The following NRXN1 variants were observed in gnomAD, a reference collection of about 807,000 sequenced individuals.
NRXN1 encodes neurexin-1.
A neutral mutation model predicts 150.9 loss-of-function variants in NRXN1; 39 were observed. The ratio of observed to expected loss-of-function variants is 0.26; its 90% CI spans 0.20 to 0.34. NRXN1 has a LOEUF of 0.34. Ranked by LOEUF, NRXN1 falls within the 10% of genes least tolerant of loss-of-function variation. The pLI, the probability that NRXN1 is intolerant of heterozygous loss-of-function variation, is 1.00. For synonymous variants in NRXN1, 924 were observed against 757.0 expected (o/e 1.22, Z -3.62); for missense variants, 1,815 against 1,949.9 (o/e 0.93, Z 1.30).
intron 16 of NRXN1, among the ~76,000 whole-genome samples, chr2:50,468,636 A>G (rs909779393): frequency 6.6e-5 from 10 of 151,722 alleles, no homozygotes; most frequent in Non-Finnish European, 1.3e-4. Context: ...TACAATTTCC[A>G]GAAACAAAAG....
intron 2 of NRXN1, among the ~76,000 whole-genome samples, chr2:50,952,340 C>T (rs1212838581): frequency 6.6e-6 from 1 of 152,008 alleles, no homozygotes; most frequent in Non-Finnish European, 1.5e-5. Context: ...AAATACAAGA[C>T]AATTATAAAC....
chr2:50,826,355 ACAGGTAAAGCCAATGAGC>A (rs1670445357), intron 5 of NRXN1, among the ~76,000 whole-genome samples: 2 of 152,262 alleles, frequency 1.3e-5, no homozygotes, highest in African/African-American at 4.8e-5. Flanking sequence ...AAAAGCAAAG[ACAGGTAAAGCCAATGAGC>A]CAGTGAAGGA....
chr2:50,883,114 AAACT>A (rs1436361697), intron 5 of NRXN1, among the ~76,000 whole-genome samples: 14 of 151,914 alleles, frequency 9.2e-5, no homozygotes, highest in African/African-American at 2.7e-4. Flanking sequence ...TGAAGCAGAT[AAACT>A]AACTGCTCTC....
chr2:50,275,097 T>C (rs924960001), intron 17 of NRXN1, among the ~76,000 whole-genome samples: 3 of 152,204 alleles, frequency 2.0e-5, no homozygotes, highest in Non-Finnish European at 2.9e-5. Context: ...GTTCTGCTCC[T>C]TTAGAGGTCC....
At chr2:50,966,621 T>G (rs543270396) in intron 2 of NRXN1, among the ~76,000 whole-genome samples, 9 of 151,812 alleles carry the variant, frequency 5.9e-5, no homozygotes, top group Non-Finnish European at 1.0e-4. Flanking sequence ...CATTTTAATG[T>G]GATTGCCAAA....
intron 21 of NRXN1, among the ~76,000 whole-genome samples, chr2:50,020,239 A>G (rs1472545194): frequency 1.3e-5 from 2 of 152,160 alleles, no homozygotes; most frequent in Non-Finnish European, 2.9e-5. Flanking sequence ...CATCTCCTAA[A>G]GAAAGCATTT....
At position 50,531,354 on chromosome 2, in the gene NRXN1, C is replaced by T. The variant is rs1171981195; in HGVS notation, c.2220G>A (p.Glu740=). 6.2e-7 allele frequency: 1 copy of T among 1,613,280 alleles called. No homozygotes were observed. The highest frequency in any genetic ancestry group is 1.7e-5 in the Admixed American group (1 of 59,930). ...QLPVVMHTEA[E]DVSLRFRSQR... ...GGGATCGGAACCGTAAGGAAACATC[C>T]TCAGCCTCCGTATGCATGACTACGG... The change falls in exon 11 of 23, where the codon GAG becomes GAA. Residue 740 remains glutamate, a synonymous_variant. Transcript: ENST00000401669.
intron 17 of NRXN1, among the ~76,000 whole-genome samples, chr2:50,328,024 G>A (rs2076503770): frequency 1.3e-5 from 2 of 151,538 alleles, no homozygotes; most frequent in South Asian, 2.1e-4. Context: ...GATTTTCCTC[G>A]TAGGATTTTT....
chr2:49,961,825 T>C (rs1444065550), intron 21 of NRXN1, among the ~76,000 whole-genome samples: 2 of 152,164 alleles, frequency 1.3e-5, no homozygotes, highest in Non-Finnish European at 2.9e-5. Context: ...AACAGGTTAG[T>C]GGATCAAATT....
chr2:50,943,293 G>A (rs1689780817), intron 2 of NRXN1, among the ~76,000 whole-genome samples: 1 of 152,130 alleles, frequency 6.6e-6, no homozygotes, highest in South Asian at 2.1e-4. Flanking sequence ...GACTTCACAT[G>A]TTAGGCTAGT....
intron 5 of NRXN1, among the ~76,000 whole-genome samples, chr2:50,804,388 A>T (rs1667241219): frequency 2.0e-5 from 3 of 152,242 alleles, no homozygotes; most frequent in African/African-American, 7.2e-5. Flanking sequence ...AATTTGCTTC[A>T]TAAAACTATG....
chr2:51,015,605 T>A (rs558854985), intron 2 of NRXN1, among the ~76,000 whole-genome samples: 1 of 151,892 alleles, frequency 6.6e-6, no homozygotes, highest in Admixed American at 6.6e-5. Context: ...TGTACTTTTA[T>A]GAAGGAAATC....
At chr2:49,939,722 T>C (rs904821443) in intron 22 of NRXN1, among the ~76,000 whole-genome samples, 6 of 152,164 alleles carry the variant, frequency 3.9e-5, no homozygotes, top group Admixed American at 3.9e-4. Flanking sequence ...TATAACTGAA[T>C]TGGGGGAAAA....
intron 18 of NRXN1, among the ~76,000 whole-genome samples, chr2:50,093,579 G>C (rs1255480559): frequency 6.6e-6 from 1 of 152,102 alleles, no homozygotes; most frequent in African/African-American, 2.4e-5. Flanking sequence ...AGGCTGCAGT[G>C]AGCCATGACT....
At chr2:50,664,430 TG>T (rs2104669344) in intron 5 of NRXN1, among the ~76,000 whole-genome samples, 1 of 144,558 alleles carries the variant, frequency 6.9e-6, no homozygotes, top group South Asian at 2.2e-4. Flanking sequence ...TGTGTGTGTG[TG>T]TGTGTGTGGC....
chr2:50,455,988 C>T (rs1409095928), intron 17 of NRXN1, among the ~76,000 whole-genome samples: 1 of 152,106 alleles, frequency 6.6e-6, no homozygotes, highest in Non-Finnish European at 1.5e-5. Flanking sequence ...TGCCAAATAT[C>T]AAAATATACA....
At chr2:50,770,812 T>C (rs935040447) in intron 5 of NRXN1, among the ~76,000 whole-genome samples, 1 of 152,002 alleles carries the variant, frequency 6.6e-6, no homozygotes, top group Non-Finnish European at 1.5e-5. Flanking sequence ...AGTAATTAGC[T>C]TAAATTTTGC....
rs529104028 is a variant in NRXN1, at chr2:49,938,459, T to C, written c.4216+5245A>G. 2.0e-5 allele frequency among the ~76,000 whole-genome samples: 3 copies of C among 152,310 alleles called. No individual in the cohort carries two copies. In the East Asian group the frequency reaches 5.8e-4, roughly 29 times the overall value. On this transcript the variant is annotated intron_variant, in intron 22 of 22. Coordinates refer to ENST00000401669, the MANE Select transcript of NRXN1 (RefSeq NM_001330078.2). ...TCAACAGTTGTCTTTTGAGTGGTTG[T>C]ACTGATGACCTCACCTCCTGTGTTC...
At chr2:50,442,554 T>G (rs2086053377) in intron 17 of NRXN1, among the ~76,000 whole-genome samples, 1 of 152,094 alleles carries the variant, frequency 6.6e-6, no homozygotes, top group Non-Finnish European at 1.5e-5. Context: ...GACTTCAATT[T>G]AGAACACATA....
Sources: gnomAD v4.1 joint callset for allele counts (sites outside exome capture counted in the v4.1 genomes callset) on GRCh38, gnomAD v4.1.1 for gene constraint, MANE v1.5 for transcripts, NCBI Gene and HGNC (gene_info 2026-07-23, HGNC 2026-07-21) for gene names.